Variants in RUFY1 observed in about 807,000 individuals in gnomAD.
RUFY1 encodes RUN and FYVE domain-containing protein 1.
A neutral mutation model predicts 94.6 loss-of-function variants in RUFY1; 54 were observed. The observed-to-expected ratio is 0.57, with a 90% CI of 0.46 to 0.72. The LOEUF is 0.72. Among genes scored for constraint, RUFY1 ranks in the 30% least tolerant of loss-of-function variants. The pLI, the probability that RUFY1 is intolerant of heterozygous loss-of-function variation, is 0.00. For synonymous variants in RUFY1, 396 were observed against 347.3 expected (o/e 1.14, Z -1.56); for missense variants, 883 against 883.9 (o/e 1.00, Z 0.01).
intron 9 of RUFY1, among the ~76,000 whole-genome samples, chr5:179,591,298 C>T (rs1474114268): frequency 6.6e-6 from 1 of 152,050 alleles, no homozygotes; most frequent in Non-Finnish European, 1.5e-5. Context: ...CATTCTCCTG[C>T]CTCAGCCTCC....
intron 1 of RUFY1, among the ~76,000 whole-genome samples, chr5:179,556,981 C>T (rs543237416): frequency 1.6e-4 from 25 of 152,208 alleles, no homozygotes; most frequent in African/African-American, 5.8e-4. Flanking sequence ...AAGTTATATG[C>T]CCCAAATCAC....
rs1201597416 is a variant in RUFY1 at position 179,607,432 on chromosome 5, GAC to G, written c.1906-148_1906-147del. On this transcript the variant is annotated intron_variant, in intron 16 of 17. Coordinates refer to ENST00000319449, the MANE Select transcript of RUFY1 (RefSeq NM_025158.5). ...CCAGACGGGGAAAGAGCCCCTTGAT[GAC>G]AGTCCTGTGAGGCCCCATCTGATGG... 4.4e-6 allele frequency: 3 copies of G among 686,672 alleles called. No homozygotes were observed. In the African/African-American group the frequency reaches 5.3e-5, roughly 12 times the overall value. The allele number at this position is 686,672 out of a possible 1,614,324, so 42.5% of individuals were successfully genotyped here. A position where few individuals can be genotyped will look rare whatever the true frequency, so the allele number is the denominator to read the frequency against.
At chr5:179,602,315 C>T (rs1047981514) in intron 15 of RUFY1, 3 of 271,034 alleles carry the variant, frequency 1.1e-5, no homozygotes, top group Non-Finnish European at 2.2e-5. Context: ...AGCCTACAGT[C>T]AGGCCAGAGG....
chr5:179,608,206 A>C (rs918092356), intron 17 of RUFY1: 19 of 795,990 alleles, frequency 2.4e-5, no homozygotes, highest in Middle Eastern at 6.3e-4. Flanking sequence ...GGTATAAGCA[A>C]AACTGGGAGC....
chr5:179,595,472 A>G (rs1765540262), intron 12 of RUFY1, among the ~76,000 whole-genome samples: 1 of 152,202 alleles, frequency 6.6e-6, no homozygotes, highest in Non-Finnish European at 1.5e-5. Flanking sequence ...ATGAGCCACT[A>G]GAGAAGTGAG....
chr5:179,579,644 C>T (rs562488504), intron 6 of RUFY1, among the ~76,000 whole-genome samples: 1 of 76,678 alleles, frequency 1.3e-5, no homozygotes, highest in South Asian at 6.3e-4. Flanking sequence ...ACAAAATATA[C>T]CCTTTTCTTC....
chr5:179,573,369 GTTC>G (rs907430288), intron 5 of RUFY1, among the ~76,000 whole-genome samples: 7 of 152,098 alleles, frequency 4.6e-5, no homozygotes, highest in African/African-American at 7.2e-5. Context: ...CCTATAGTGT[GTTC>G]TTCAAACACA....
intron 5 of RUFY1, among the ~76,000 whole-genome samples, chr5:179,574,491 G>T (rs764663165): frequency 6.6e-6 from 1 of 152,132 alleles, no homozygotes; most frequent in Non-Finnish European, 1.5e-5. Context: ...TTTTTTCTGT[G>T]CAGGCTTGCT....
chr5:179,559,592 G>T (rs1276846704), intron 1 of RUFY1: 4 of 894,436 alleles, frequency 4.5e-6, no homozygotes, highest in Non-Finnish European at 4.0e-6. Context: ...CCTTGAGCTG[G>T]ACTCGCCCAA....
chr5:179,578,249 T>C (rs1446983838), intron 6 of RUFY1, among the ~76,000 whole-genome samples: 1 of 152,242 alleles, frequency 6.6e-6, no homozygotes, highest in Non-Finnish European at 1.5e-5. Context: ...ATTCTCGCTC[T>C]GTCGCCCAGG....
chr5:179,583,134 C>T (rs1764290943), intron 7 of RUFY1, among the ~76,000 whole-genome samples: 1 of 151,790 alleles, frequency 6.6e-6, no homozygotes, highest in Non-Finnish European at 1.5e-5. Flanking sequence ...GAAACCCCAT[C>T]TCTACTAAAA....
Position 179,573,087 on chromosome 5 carries a change from T to G in RUFY1, c.828+3662T>G, listed in dbSNP as rs541671791. Reference sequence around the variant, plus strand: ...TCCATAATATGCATTGGTTTATTTCTGGACTCTTCTGTTGTAAATCTGAAT... The same window carrying G: ...TCCATAATATGCATTGGTTTATTTCGGGACTCTTCTGTTGTAAATCTGAAT... On this transcript the variant is annotated intron_variant, in intron 5 of 17. Coordinates refer to ENST00000319449, the MANE Select transcript of RUFY1 (RefSeq NM_025158.5). 1.2e-3 allele frequency among the ~76,000 whole-genome samples: 179 copies of G among 152,346 alleles called. 2 individuals are homozygous for G. In the South Asian group the frequency reaches 0.014, roughly 12 times the overall value.
Position 179,600,684 on chromosome 5 carries a change from C to CTTTTTTTTTTTTTT in RUFY1, c.1762-1191_1762-1178dup, listed in dbSNP as rs398000079. Among the ~76,000 whole-genome samples the CTTTTTTTTTTTTTT allele has an allele frequency of 3.7e-4, 20 of 54,706 alleles. 3 individuals are homozygous for CTTTTTTTTTTTTTT. The highest frequency in any genetic ancestry group is 1.6e-3 in the African/African-American group (20 of 12,444). 35.9% of individuals were successfully genotyped at this position (54,706 alleles called of 152,430 possible). A position where few individuals can be genotyped will look rare whatever the true frequency, so the allele number is the denominator to read the frequency against. On this transcript the variant is annotated intron_variant, in intron 14 of 17. Coordinates refer to ENST00000319449, the MANE Select transcript of RUFY1 (RefSeq NM_025158.5). ...AGCCTCATTTGTCCTATGATGGTAA[C>CTTTTTTTTTTTTTT]TTTTTTTTTTTTTTTTTTTTTTTTT...
chr5:179,598,588 AG>A, intron 13 of RUFY1, 103 bp from the exon 14 acceptor site: 1 of 1,343,660 alleles, frequency 7.4e-7, no homozygotes, highest in Middle Eastern at 1.8e-4. Context: ...GATGCTCAAG[AG>A]GCAATTCAGA....
intron 11 of RUFY1, among the ~76,000 whole-genome samples, chr5:179,594,226 CG>C (rs774604007): frequency 2.0e-4 from 31 of 151,662 alleles, no homozygotes; most frequent in Non-Finnish European, 4.0e-4. Context: ...TGCTTGAACC[CG>C]GGAGACAGGT....
At position 179,581,000 on chromosome 5, in the gene RUFY1, A is replaced by G; in HGVS notation, c.944A>G (p.Asn315Ser). Reference sequence around the variant, plus strand: ...CAAAAAAATTATGTGGAAGAACTTAACCGGCACTTGAGGTAAGACTCCTTT... The same window carrying G: ...CAAAAAAATTATGTGGAAGAACTTAGCCGGCACTTGAGGTAAGACTCCTTT... Reference protein sequence around the residue: ...LDQKNYVEELNRHLSCTVGDL... With the variant: ...LDQKNYVEELSRHLSCTVGDL... The change falls in exon 7 of 18, where the codon AAC becomes AGC. Residue 315 changes from asparagine to serine, a missense_variant. Coordinates refer to ENST00000319449, the MANE Select transcript of RUFY1 (RefSeq NM_025158.5). 1 of 1,606,426 alleles carries G rather than the reference A, an allele frequency of 6.2e-7. No individual in the cohort carries two copies. Among genetic ancestry groups the G allele is most frequent in the Non-Finnish European group, 8.5e-7 (1 of 1,174,424 alleles).
intron 3 of RUFY1, 47 bp from the exon 4 acceptor site, chr5:179,567,414 T>C (rs1762908795): frequency 1.4e-6 from 2 of 1,414,274 alleles, no homozygotes; most frequent in Admixed American, 3.4e-5. Flanking sequence ...CTTTTCTGTG[T>C]TTGTTGTTGT....
intron 16 of RUFY1, chr5:179,606,273 G>A: frequency 3.2e-6 from 1 of 312,130 alleles, no homozygotes; most frequent in South Asian, 3.4e-5. Flanking sequence ...TTGAAGTGAG[G>A]GGCCAGAGGC....
intron 6 of RUFY1, among the ~76,000 whole-genome samples, chr5:179,580,260 TGAGACGGAGTCTCGCTCTGTC>T (rs1764031401): frequency 1.4e-5 from 2 of 147,974 alleles, no homozygotes; most frequent in African/African-American, 5.0e-5. Context: ...TTTTTTTTTT[TGAGACGGAGTCTCGCTCTGTC>T]GCCCAGGCTG....
Sources: gnomAD v4.1 joint callset for allele counts (sites outside exome capture counted in the v4.1 genomes callset) on GRCh38, gnomAD v4.1.1 for gene constraint, MANE v1.5 for transcripts, NCBI Gene and HGNC (gene_info 2026-07-23, HGNC 2026-07-21) for gene names.